The following GRK6 variants were observed in gnomAD, a reference collection of about 807,000 sequenced individuals.
The protein encoded by GRK6 is G protein-coupled receptor kinase 6.
Under a neutral mutation model 80.8 loss-of-function variants are expected in GRK6, and 37 were observed. The observed-to-expected ratio is 0.46, with a 90% CI of 0.35 to 0.60. GRK6 has a LOEUF of 0.60. Among genes scored for constraint, GRK6 ranks in the 20% least tolerant of loss-of-function variants. The pLI is 0.00. For missense variants in GRK6, 560 were observed against 784.6 expected (o/e 0.71, Z 3.42); for synonymous variants, 295 against 320.9 (o/e 0.92, Z 0.86).
rs781161139 is a variant in GRK6, at chr5:177,436,536, T to TGCA, written c.1404+9_1404+11dup. 6.3e-6 allele frequency: 10 copies of TGCA among 1,577,520 alleles called. No homozygotes were observed. Among genetic ancestry groups the TGCA allele is most frequent in the Non-Finnish European group, 8.6e-6 (10 of 1,160,662 alleles). ...AGCCGCCGTTCAAGCCTGACGTGAGTGCAGCCCACTCCTGCTGAGGGCGGG... is the reference window on the plus strand; with the variant it reads ...AGCCGCCGTTCAAGCCTGACGTGAGTGCAGCAGCCCACTCCTGCTGAGGGCGGG... On this transcript the variant is annotated splice_region_variant and intron_variant, in intron 13 of 15. Coordinates refer to ENST00000355472, the MANE Select transcript of GRK6 (RefSeq NM_001004106.3).
At chr5:177,439,034 CT>C (rs1284847033) in intron 13 of GRK6, among the ~76,000 whole-genome samples, 2 of 152,230 alleles carry the variant, frequency 1.3e-5, no homozygotes, top group African/African-American at 2.4e-5. Context: ...GCCACTCAGT[CT>C]GTTCTGTTTC....
At chr5:177,432,850 AGGGGGCTTCTG>A in intron 5 of GRK6, 44 bp downstream of exon 5, 1 of 1,440,994 alleles carries the variant, frequency 6.9e-7, no homozygotes, top group South Asian at 1.2e-5. Flanking sequence ...TGCCCAGCGG[AGGGGGCTTCTG>A]GGGGCCAGGA....
chr5:177,425,627 A>T (rs181332442), upstream of GRK6, among the ~76,000 whole-genome samples: 272 of 152,364 alleles, frequency 1.8e-3, no homozygotes, highest in Non-Finnish European at 2.7e-3. Flanking sequence ...TCTTGCTGCC[A>T]TCACTGTGTT....
chr5:177,435,702 C>T (rs1010181154), intron 11 of GRK6, among the ~76,000 whole-genome samples: 1 of 152,242 alleles, frequency 6.6e-6, no homozygotes, highest in African/African-American at 2.4e-5. Context: ...AGGAGGTATT[C>T]AGAAAATAGG....
At chr5:177,439,649 A>C (rs572707503) in intron 13 of GRK6, among the ~76,000 whole-genome samples, 5 of 152,110 alleles carry the variant, frequency 3.3e-5, no homozygotes, top group East Asian at 1.9e-4. Flanking sequence ...AAAAAAAAAA[A>C]AAACCCATAC....
chr5:177,436,636 C>G, intron 13 of GRK6, 106 bp downstream of exon 13: 1 of 1,070,114 alleles, frequency 9.3e-7, no homozygotes, highest in Non-Finnish European at 1.3e-6. Context: ...GCAGAAAAAA[C>G]AATCTAGTGG....
chr5:177,431,023 G>T (rs887036101), intron 2 of GRK6, 56 bp downstream of exon 2: 2 of 1,480,742 alleles, frequency 1.4e-6, no homozygotes, highest in African/African-American at 2.8e-5. Context: ...CTGGGGCCGG[G>T]GGAGCCTCCC....
chr5:177,432,011 C>T lies in GRK6; in HGVS notation c.165C>T (p.Ser55=). 6.2e-7 allele frequency: 1 copy of T among 1,613,306 alleles called. No individual in the cohort carries two copies. Among genetic ancestry groups the T allele is most frequent in the Non-Finnish European group, 8.5e-7 (1 of 1,179,854 alleles). The change falls in exon 3 of 16, where the codon AGC becomes AGT. Residue 55 remains serine (S), a synonymous_variant. Transcript: ENST00000355472. ...TGCCAACAGAGCGTGACTATCACAG[C>T]CTGTGCGAGCGGCAGCCCATTGGGC... ...LRLSLERDYH[S]LCERQPIGRL...
chr5:177,434,844 C>T (rs1186709502), intron 9 of GRK6, 58 bp from the exon 10 acceptor site: 1 of 1,600,898 alleles, frequency 6.2e-7, no homozygotes, highest in Non-Finnish European at 8.5e-7. Flanking sequence ...GGGGGCTGGC[C>T]CCTTCTGACT....
chr5:177,432,287 A>G lies in GRK6; in HGVS notation c.316A>G (p.Thr106Ala). Residue 106 changes from threonine to alanine, a missense_variant, in exon 4 of 16, where the codon ACG becomes GCG. Thr to Ala is a moderately conservative substitution (Grantham distance 58). Transcript: ENST00000355472. ...DKRKACGRQLTQNFLSHTGPD... is the reference protein window; with the variant it reads ...DKRKACGRQLAQNFLSHTGPD... ...GCGGAAGGCATGTGGGCGGCAGCTAACGCAGAATTTTCTGAGCCACACGGT... is the reference window on the plus strand; with the variant it reads ...GCGGAAGGCATGTGGGCGGCAGCTAGCGCAGAATTTTCTGAGCCACACGGT... 1.2e-6 allele frequency: 2 copies of G among 1,612,998 alleles called. No homozygotes were observed. The highest frequency in any genetic ancestry group is 2.2e-5 in the South Asian group (2 of 91,028).
intron 1 of GRK6, among the ~76,000 whole-genome samples, chr5:177,427,517 A>G (rs965770156): frequency 1.3e-5 from 2 of 152,224 alleles, no homozygotes; most frequent in African/African-American, 2.4e-5. Flanking sequence ...CTGCTCTGTC[A>G]GTATTGTAAG....
At chr5:177,433,729 C>G in intron 8 of GRK6, 53 bp downstream of exon 8, 4 of 1,599,320 alleles carry the variant, frequency 2.5e-6, no homozygotes, top group Non-Finnish European at 3.4e-6. Context: ...GCGCACCGAC[C>G]GTCCCCACCC....
intron 13 of GRK6, 47 bp from the exon 14 acceptor site, chr5:177,440,653 T>C: frequency 6.2e-7 from 1 of 1,604,618 alleles, no homozygotes; most frequent in Non-Finnish European, 8.5e-7. Context: ...TGCCTTCGCG[T>C]GTGCGTGTGT....
chr5:177,439,454 C>T (rs1442337317), intron 13 of GRK6, among the ~76,000 whole-genome samples: 6 of 151,504 alleles, frequency 4.0e-5, no homozygotes, highest in Non-Finnish European at 7.4e-5. Flanking sequence ...GCAGGAGAAT[C>T]GCTTGAACCT....
At chr5:177,441,083 C>A in intron 15 of GRK6, 30 bp downstream of exon 15, 12 of 1,609,930 alleles carry the variant, frequency 7.5e-6, no homozygotes, top group Non-Finnish European at 9.3e-6. Context: ...TACCTGGGCC[C>A]CTAACCTGGC....
intron 8 of GRK6, 37 bp from the exon 9 acceptor site, chr5:177,433,877 A>G (rs1363405275): frequency 3.9e-6 from 6 of 1,528,432 alleles, no homozygotes; most frequent in Non-Finnish European, 5.3e-6. Context: ...AGCGCCCCGC[A>G]GCTCCTGCCT....
chr5:177,435,162 C>T, intron 11 of GRK6, 41 bp downstream of exon 11: 1 of 1,472,960 alleles, frequency 6.8e-7, no homozygotes, highest in Non-Finnish European at 9.3e-7. Context: ...CCTGGGTTCC[C>T]TCACTATCCA....
chr5:177,433,034 G>A (rs1037242172), intron 5 of GRK6, 113 bp from the exon 6 acceptor site: 13 of 961,332 alleles, frequency 1.4e-5, no homozygotes, highest in East Asian at 4.9e-5. Context: ...AGGACTGGCC[G>A]ACGACGATAC....
rs1764534082 is a variant in GRK6, at chr5:177,442,018, A to T, written c.*228A>T. On this transcript the variant is annotated 3_prime_UTR_variant, in exon 16 of 16. Transcript: ENST00000355472. ...GCGTCCCTTCAGCTCTTCTCCGTGG[A>T]GCTCGGGGCTTTCTGTATTTATGTA... is the stretch of plus-strand genomic sequence containing the variant. The T allele has an allele frequency of 1.8e-6, 1 of 569,840 alleles. No individual in the cohort carries two copies. Among genetic ancestry groups the T allele is most frequent in the Non-Finnish European group, 3.1e-6 (1 of 321,116 alleles). 35.3% of individuals were successfully genotyped at this position (569,840 alleles called of 1,614,324 possible).
Sources: allele counts gnomAD v4.1 joint callset (sites outside exome capture counted in the v4.1 genomes callset), GRCh38; gene constraint gnomAD v4.1.1; transcripts MANE v1.5; gene names NCBI Gene and HGNC (gene_info 2026-07-23, HGNC 2026-07-21).